PTPRF: variants seen among roughly 807,000 people sequenced by gnomAD.
PTPRF encodes the protein protein tyrosine phosphatase receptor type F.
In PTPRF, 59 loss-of-function variants were observed where a neutral mutation model predicts 201.8. The observed-to-expected ratio is 0.29, with a 90% confidence interval of 0.24 to 0.36. PTPRF has a LOEUF of 0.36. PTPRF is among the 10% of genes least tolerant of loss of function. The pLI is 1.00. For synonymous variants in PTPRF, 1,088 were observed against 1,089.7 expected (o/e 1.00, Z 0.03); for missense variants, 2,132 against 2,690.5 (o/e 0.79, Z 4.59).
At chr1:43,602,648 C>T (rs760039307) in intron 14 of PTPRF, among the ~76,000 whole-genome samples, 4 of 152,200 alleles carry the variant, frequency 2.6e-5, no homozygotes, top group Non-Finnish European at 4.4e-5. Flanking sequence ...GCTTCCCACT[C>T]TTCTCTCTGT....
At position 43,604,177 on chromosome 1, in the gene PTPRF, C is replaced by G; in HGVS notation, c.3025C>G (p.Pro1009Ala). The G allele has an allele frequency of 6.2e-7, 1 of 1,613,656 alleles. No individual in the cohort carries two copies. The highest frequency in any genetic ancestry group is 8.5e-7 in the Non-Finnish European group (1 of 1,179,776). ...LSPSIQSRTMPVEQVFAKNFR... is the reference protein window; with the variant it reads ...LSPSIQSRTMAVEQVFAKNFR... ...CCCCAGCATCCAGTCCCGGACCATGCCGGTGGAGCAAGGTGTGTGCTGTGG... is the reference window on the plus strand; with the variant it reads ...CCCCAGCATCCAGTCCCGGACCATGGCGGTGGAGCAAGGTGTGTGCTGTGG... Residue 1009 changes from proline to alanine, a missense_variant, in exon 16 of 34, where the codon CCG becomes GCG. By Grantham distance (27) the Pro-to-Ala change is conservative. This residue lies in a region of PTPRF where 818 missense variants were observed against 915.3 expected (regional missense o/e 0.89). Coordinates refer to ENST00000359947, the MANE Select transcript of PTPRF (RefSeq NM_002840.5).
In PTPRF at chr1:43,542,559, G is replaced by A. The variant is rs76870117; in HGVS notation, c.-45-2472G>A. 7.0e-3 allele frequency among the ~76,000 whole-genome samples: 1,073 copies of A among 152,242 alleles called. 13 individuals are homozygous for A. The highest frequency in any genetic ancestry group is 0.024 in the African/African-American group (1,006 of 41,526). On this transcript the variant is annotated intron_variant, in intron 2 of 33. Coordinates refer to ENST00000359947, the MANE Select transcript of PTPRF (RefSeq NM_002840.5). This position sits in a 1 kb window ranked among gnomAD's most constrained non-coding sequence, Gnocchi z 5.2. The stretch of plus-strand genomic sequence containing the variant: ...CATGGCCAGACTCTCATCCAGGCTT[G>A]TACCACATGGGTGTCTATTCTGGGA...
Position 43,622,036 on chromosome 1 carries a change from G to A in PTPRF, c.*33G>A, listed in dbSNP as rs754963221. The A allele has an allele frequency of 5.3e-5, 85 of 1,607,840 alleles. No individual in the cohort carries two copies. Among genetic ancestry groups the A allele is most frequent in the East Asian group, 4.0e-4 (18 of 44,874 alleles). On this transcript the variant is annotated 3_prime_UTR_variant, in exon 34 of 34. Transcript: ENST00000359947. ...TCCCCTCTCCTCCGCCACCCCCGCC[G>A]TGGGGCTCCGGAGGGGACCCAGCTC...
chr1:43,615,758 G>C (rs1398114399), intron 23 of PTPRF, among the ~76,000 whole-genome samples: 3 of 151,684 alleles, frequency 2.0e-5, no homozygotes, highest in African/African-American at 7.3e-5. Flanking sequence ...AGTAGAGATG[G>C]GGTTTCACCG....
chr1:43,583,564 A>G, intron 7 of PTPRF, among the ~76,000 whole-genome samples: 1 of 152,146 alleles, frequency 6.6e-6, no homozygotes, highest in Admixed American at 6.5e-5. Flanking sequence ...TGGAACATTA[A>G]GGCGAGAGGC....
intron 30 of PTPRF, 40 bp downstream of exon 30, chr1:43,620,261 G>A (rs372141810): frequency 3.1e-6 from 5 of 1,609,774 alleles, no homozygotes; most frequent in Middle Eastern, 1.7e-4. Flanking sequence ...GTCATACCTG[G>A]GAGAACACCA....
chr1:43,617,978 C>T, intron 25 of PTPRF, 67 bp downstream of exon 25: 4 of 1,485,532 alleles, frequency 2.7e-6, no homozygotes, highest in Non-Finnish European at 3.6e-6. Context: ...TACAGGGCAC[C>T]TTCTTCTGTG....
chr1:43,590,001 AG>A (rs1215412291), intron 8 of PTPRF, among the ~76,000 whole-genome samples: 1 of 152,188 alleles, frequency 6.6e-6, no homozygotes, highest in Non-Finnish European at 1.5e-5. Flanking sequence ...CTTTTAGGAA[AG>A]GGAGAAACAC....
upstream of PTPRF, among the ~76,000 whole-genome samples, chr1:43,527,260 T>C (rs1344981558): frequency 6.6e-6 from 1 of 151,962 alleles, no homozygotes; most frequent in East Asian, 1.9e-4. Context: ...CACAAGGACA[T>C]CCCTCCCCGC....
intron 25 of PTPRF, 73 bp from the exon 26 acceptor site, chr1:43,618,557 C>G: frequency 6.5e-7 from 1 of 1,536,866 alleles, no homozygotes; most frequent in Non-Finnish European, 8.8e-7. Flanking sequence ...AGGGAGTTGA[C>G]CAGCCTCCAC....
intron 21 of PTPRF, among the ~76,000 whole-genome samples, chr1:43,608,245 A>G (rs897511792): frequency 6.6e-6 from 1 of 152,190 alleles, no homozygotes; most frequent in Admixed American, 6.5e-5. Context: ...CAGGGTCCCC[A>G]TGTCATTAGA....
At chr1:43,596,124 C>T (rs674725) in intron 11 of PTPRF, among the ~76,000 whole-genome samples, 121,843 of 152,066 alleles carry the variant, frequency 0.8, 49,578 homozygotes, top group African/African-American at 0.92. Flanking sequence ...GGTGGTAGAC[C>T]GTGGAAGCTG....
Position 43,537,188 on chromosome 1 carries a change from G to GACCCCC in PTPRF, c.-125-999_-125-994dup, listed in dbSNP as rs1644073614. 6.6e-6 allele frequency among the ~76,000 whole-genome samples: 1 copy of GACCCCC among 152,116 alleles called. No homozygotes were observed. The highest frequency in any genetic ancestry group is 2.4e-5 in the African/African-American group (1 of 41,428). On this transcript the variant is annotated intron_variant, in intron 1 of 33. Coordinates refer to ENST00000359947, the MANE Select transcript of PTPRF (RefSeq NM_002840.5). This position sits in a 1 kb window ranked among gnomAD's most constrained non-coding sequence, Gnocchi z 4.8. ...GTGATGAGGTGGTATGGGTGTGTCT[G>GACCCCC]ACCCCCACCCCCACCCAGGATGGTA... is the stretch of plus-strand genomic sequence containing the variant.
chr1:43,565,101 T>G (rs1006168880), intron 5 of PTPRF, among the ~76,000 whole-genome samples: 3 of 152,108 alleles, frequency 2.0e-5, no homozygotes, highest in Admixed American at 2.0e-4. Context: ...CCCTCCTCCC[T>G]GGAAAGCTTT....
rs1654272280 is a variant in PTPRF at position 43,603,405 on chromosome 1, T to A, written c.2341-11T>A. ...TCTTGTGATGGGAACGAACCCCTCCTCCTCCCTCAGGAAACCACTATCAGC... is the reference window on the plus strand; with the variant it reads ...TCTTGTGATGGGAACGAACCCCTCCACCTCCCTCAGGAAACCACTATCAGC... On this transcript the variant is annotated splice_polypyrimidine_tract_variant and intron_variant, in intron 14 of 33. Coordinates refer to ENST00000359947, the MANE Select transcript of PTPRF (RefSeq NM_002840.5). The surrounding 1 kb of genome is among the most constrained non-coding windows in gnomAD (Gnocchi z 5.8). 1 of 1,611,334 alleles carries A rather than the reference T, an allele frequency of 6.2e-7. No individual in the cohort carries two copies. The highest frequency in any genetic ancestry group is 1.7e-5 in the Admixed American group (1 of 59,968).
upstream of PTPRF, among the ~76,000 whole-genome samples, chr1:43,522,779 C>T (rs529520781): frequency 4.1e-4 from 62 of 152,230 alleles, no homozygotes; most frequent in African/African-American, 1.3e-3. Context: ...CTGGCGCCAC[C>T]GCAGAGGACT....
intron 11 of PTPRF, among the ~76,000 whole-genome samples, chr1:43,597,522 G>A (rs919615432): frequency 4.6e-5 from 7 of 151,898 alleles, no homozygotes; most frequent in East Asian, 1.9e-4. Context: ...GTGTATCACC[G>A]TGTGTGTGTG....
rs1271217396 is a variant in PTPRF at position 43,613,607 on chromosome 1, A to G, written c.3974-11A>G. 2.5e-6 allele frequency: 4 copies of G among 1,610,150 alleles called. No homozygotes were observed. Among genetic ancestry groups the G allele is most frequent in the Non-Finnish European group, 3.4e-6 (4 of 1,176,624 alleles). On this transcript the variant is annotated splice_polypyrimidine_tract_variant and intron_variant, in intron 22 of 33. Transcript: ENST00000359947. ...CACTAATGCTGCCTGTGTATGCCCT[A>G]CCTCCCCTAGGTATGCGAGACCACC...
rs948119179 is a variant in PTPRF at position 43,613,021 on chromosome 1, C to T, written c.3974-597C>T. 7.3e-5 allele frequency: 27 copies of T among 370,804 alleles called. No homozygotes were observed. In the Admixed American group the frequency reaches 8.6e-4, roughly 12 times the overall value. The allele number at this position is 370,804 out of a possible 1,614,324, so 23.0% of individuals were successfully genotyped here. A position where few individuals can be genotyped will look rare whatever the true frequency, so the allele number is the denominator to read the frequency against. ...GGCCTGTTTTCTCTCCCACCGGCCC[C>T]GTCTCTGTTCTGCCTCTCTGGCCTC... On this transcript the variant is annotated intron_variant, in intron 22 of 33. Transcript: ENST00000359947.
Sources: gnomAD v4.1 joint callset for allele counts (sites outside exome capture counted in the v4.1 genomes callset) on GRCh38, gnomAD v4.1.1 for gene constraint, gnomAD v4.1.1 regional missense constraint, Gnocchi (gnomAD v3.1) non-coding constraint, MANE v1.5 for transcripts, NCBI Gene and HGNC (gene_info 2026-07-23, HGNC 2026-07-21) for gene names.